SLC16A2: variants seen among roughly 807,000 people sequenced by gnomAD.
The protein encoded by SLC16A2 is solute carrier family 16 member 2.
Under a neutral mutation model 27.2 loss-of-function variants are expected in SLC16A2, and 3 were observed. The observed-to-expected ratio is 0.11, with a 90% CI of 0.05 to 0.28. The LOEUF (loss-of-function observed/expected upper bound fraction) is 0.28, where lower values mean the gene tolerates loss of function less well. Among genes scored for constraint, SLC16A2 ranks in the 10% least tolerant of loss-of-function variants. SLC16A2 has a pLI of 1.00. For synonymous variants in SLC16A2, 202 were observed against 187.8 expected (o/e 1.08, Z -0.62); for missense variants, 295 against 458.5 (o/e 0.64, Z 3.26).
chrX:74,531,601 C>A lies in SLC16A2; in HGVS notation c.*48C>A. The A allele has an allele frequency of 9.9e-7, 1 of 1,010,169 alleles. No individual in the cohort carries two copies. The allele number at this position is 1,010,169 out of a possible 1,213,427, so 83.2% of individuals were successfully genotyped here. A position where few individuals can be genotyped will look rare whatever the true frequency, so the allele number is the denominator to read the frequency against. The stretch of plus-strand genomic sequence containing the variant: ...CCTTTCCCAGCTCTTCCCCTTCATC[C>A]CACCCTGCTCAGCATTTACATTTTT... On this transcript the variant is annotated 3_prime_UTR_variant, in exon 6 of 6. Coordinates refer to ENST00000587091, the MANE Select transcript of SLC16A2 (RefSeq NM_006517.5).
chrX:74,430,682 A>G (rs1312443054), intron 1 of SLC16A2, among the ~76,000 whole-genome samples: 1 of 112,537 alleles, frequency 8.9e-6, no homozygotes, highest in Non-Finnish European at 1.9e-5. Context: ...GTATAGAAAA[A>G]GGAACACTTA....
intron 1 of SLC16A2, among the ~76,000 whole-genome samples, chrX:74,427,639 A>G (rs1483869976): frequency 1.8e-5 from 2 of 111,732 alleles, no homozygotes; most frequent in African/African-American, 6.5e-5. Flanking sequence ...GTTTTGTTGC[A>G]TTTTGAAAAG....
intron 1 of SLC16A2, among the ~76,000 whole-genome samples, chrX:74,506,077 A>G (rs1477381523): frequency 3.6e-5 from 4 of 111,985 alleles, no homozygotes; most frequent in Non-Finnish European, 5.6e-5. Context: ...CTAACCTAAT[A>G]AGAAGCAGCT....
At position 74,422,056 on chromosome X, in the gene SLC16A2, A is replaced by C; in HGVS notation, c.419A>C (p.Glu140Ala). Residue 140 changes from glutamate (E) to alanine (A), a missense_variant, in exon 1 of 6, where the codon GAG becomes GCG. This residue lies in a region of SLC16A2 where 59 missense variants were observed against 153.6 expected (regional missense o/e 0.38). Transcript: ENST00000587091. The stretch of plus-strand genomic sequence containing the variant: ...GAAAAGGAAAAAAATCGCCAAGTGG[A>C]GTTCCAAGCAGGTGAGTGGCCCCGC... Reference protein sequence around the residue: ...EEEKEKNRQVEFQAAWVGALA... With the variant: ...EEEKEKNRQVAFQAAWVGALA... 2.5e-6 allele frequency: 3 copies of C among 1,208,337 alleles called. No individual in the cohort carries two copies. The highest frequency in any genetic ancestry group is 3.4e-6 in the Non-Finnish European group (3 of 894,374).
At chrX:74,475,838 A>G (rs1245038995) in intron 1 of SLC16A2, among the ~76,000 whole-genome samples, 1 of 111,340 alleles carries the variant, frequency 9.0e-6, no homozygotes, top group Middle Eastern at 4.2e-3. Context: ...CCATTGGTCT[A>G]TATCTCTGTT....
At chrX:74,428,791 C>A (rs1001193963) in intron 1 of SLC16A2, among the ~76,000 whole-genome samples, 1 of 111,936 alleles carries the variant, frequency 8.9e-6, no homozygotes, top group Non-Finnish European at 1.9e-5. Context: ...GCCCTAGTAA[C>A]CCAGCTCAGA....
At chrX:74,530,962 G>C (rs1930558374) in intron 5 of SLC16A2, among the ~76,000 whole-genome samples, 1 of 111,571 alleles carries the variant, frequency 9.0e-6, no homozygotes, top group Non-Finnish European at 1.9e-5. Context: ...GGAACCATTT[G>C]TGGGGGCAGG....
chrX:74,503,384 T>G (rs1930071122), intron 1 of SLC16A2, among the ~76,000 whole-genome samples: 1 of 111,579 alleles, frequency 9.0e-6, no homozygotes. Context: ...AGTTAAGAAC[T>G]TCAGGAGTGG....
intron 1 of SLC16A2, among the ~76,000 whole-genome samples, chrX:74,461,561 G>A (rs1161576838): frequency 9.0e-6 from 1 of 111,138 alleles, no homozygotes; most frequent in East Asian, 2.8e-4. Flanking sequence ...CTTATTTCCA[G>A]CTCTGCTTGG....
chrX:74,429,832 G>C (rs1048039226), intron 1 of SLC16A2, among the ~76,000 whole-genome samples: 1 of 111,673 alleles, frequency 9.0e-6, no homozygotes, highest in Non-Finnish European at 1.9e-5. Context: ...ACAAAGAAAA[G>C]AGCTCTTCCT....
chrX:74,498,972 G>T (rs1929982488), intron 1 of SLC16A2, among the ~76,000 whole-genome samples: 1 of 111,911 alleles, frequency 8.9e-6, no homozygotes, highest in Admixed American at 9.5e-5. Context: ...GGGGCTCAGG[G>T]TTCCACCTCC....
chrX:74,489,074 G>T (rs781317444), intron 1 of SLC16A2, among the ~76,000 whole-genome samples: 2 of 111,401 alleles, frequency 1.8e-5, no homozygotes, highest in South Asian at 7.4e-4. Flanking sequence ...TGATTTAATT[G>T]TTTACCTAGA....
chrX:74,477,713 T>G (rs1178338335), intron 1 of SLC16A2, among the ~76,000 whole-genome samples: 2 of 112,106 alleles, frequency 1.8e-5, no homozygotes. Flanking sequence ...AGAACATCTT[T>G]ATTTCTGCCT....
At chrX:74,494,271 A>G (rs1448484692) in intron 1 of SLC16A2, among the ~76,000 whole-genome samples, 1 of 111,977 alleles carries the variant, frequency 8.9e-6, no homozygotes, top group Non-Finnish European at 1.9e-5. Context: ...TATTTAAAGC[A>G]TGTCGTTATG....
chrX:74,526,752 C>T (rs999731443), intron 4 of SLC16A2, among the ~76,000 whole-genome samples: 21 of 112,702 alleles, frequency 1.9e-4, no homozygotes, highest in African/African-American at 6.8e-4. Flanking sequence ...AGCCAAGTCT[C>T]AGAGATGATA....
At chrX:74,498,086 G>A (rs2147862163) in intron 1 of SLC16A2, among the ~76,000 whole-genome samples, 1 of 111,341 alleles carries the variant, frequency 9.0e-6, no homozygotes, top group East Asian at 2.8e-4. Flanking sequence ...TTTAGTTTAT[G>A]GTTTAACCTT....
rs147208358 is a variant in SLC16A2, at chrX:74,453,311, G to T, written c.430+31244G>T. On this transcript the variant is annotated intron_variant, in intron 1 of 5. Transcript: ENST00000587091. ...CAGCCTCCCAAAGTGCTGAGATTACGGGCGTGAGCCAACATGCCTGGCAGC... is the reference window on the plus strand; with the variant it reads ...CAGCCTCCCAAAGTGCTGAGATTACTGGCGTGAGCCAACATGCCTGGCAGC... Among the ~76,000 whole-genome samples, 91 of 110,858 alleles carry T rather than the reference G, an allele frequency of 8.2e-4. No homozygotes were observed. In the East Asian group the frequency reaches 0.023, roughly 29 times the overall value.
At chrX:74,428,726 G>A (rs891596546) in intron 1 of SLC16A2, among the ~76,000 whole-genome samples, 1 of 111,288 alleles carries the variant, frequency 9.0e-6, no homozygotes, top group Non-Finnish European at 1.9e-5. Flanking sequence ...CTGGATTTTC[G>A]CATAAAGATA....
chrX:74,482,618 T>C (rs1929641401), intron 1 of SLC16A2, among the ~76,000 whole-genome samples: 1 of 112,233 alleles, frequency 8.9e-6, no homozygotes, highest in African/African-American at 3.2e-5. Context: ...AGTTATTGTA[T>C]TTTTCAACAC....
Sources: gnomAD v4.1 joint callset for allele counts (sites outside exome capture counted in the v4.1 genomes callset) on GRCh38, gnomAD v4.1.1 for gene constraint, gnomAD v4.1.1 regional missense constraint, MANE v1.5 for transcripts, NCBI Gene and HGNC (gene_info 2026-07-23, HGNC 2026-07-21) for gene names.